SLIT2: variants seen among roughly 807,000 people sequenced by gnomAD.
SLIT2 encodes slit homolog 2 protein.
SLIT2 carries 41 observed loss-of-function variants against 185.7 expected under a neutral mutation model. The observed-to-expected ratio is 0.22, with a 90% CI of 0.17 to 0.29. The LOEUF (loss-of-function observed/expected upper bound fraction) is 0.29, where lower values mean the gene tolerates loss of function less well. Ranked by LOEUF, SLIT2 falls within the 10% of genes least tolerant of loss-of-function variation. The pLI, the probability that SLIT2 is intolerant of heterozygous loss-of-function variation, is 1.00. For synonymous variants in SLIT2, 693 were observed against 680.2 expected (o/e 1.02, Z -0.29); for missense variants, 1,571 against 1,909.0 (o/e 0.82, Z 3.30).
At chr4:20,472,291 TATAG>T (rs1290885052) in intron 5 of SLIT2, among the ~76,000 whole-genome samples, 10 of 29,172 alleles carry the variant, frequency 3.4e-4, no homozygotes, top group African/African-American at 1.8e-3. Context: ...TATATAGATA[TATAG>T]ATATATAGAT....
chr4:20,469,859 G>A (rs1471768267), intron 5 of SLIT2, among the ~76,000 whole-genome samples: 1 of 147,886 alleles, frequency 6.8e-6, no homozygotes, highest in Non-Finnish European at 1.5e-5. Flanking sequence ...GGGTTCAAGC[G>A]ATTCTTCTGC....
Position 20,572,602 on chromosome 4 carries a change from T to TA in SLIT2, c.3088+3598_3088+3599insA, listed in dbSNP as rs1577950052. 1.1e-4 allele frequency among the ~76,000 whole-genome samples: 17 copies of TA among 152,274 alleles called. No individual in the cohort carries two copies. The East Asian group carries it at 3.1e-3, about 28-fold the overall frequency. ...CTATAAATGTGGCACCCCTGTTTTTTTAAAAAATGGACACTTTTTTTAGGC... is the reference window on the plus strand; with the variant it reads ...CTATAAATGTGGCACCCCTGTTTTTTATAAAAAATGGACACTTTTTTTAGGC... On this transcript the variant is annotated intron_variant, in intron 29 of 36. Transcript: ENST00000504154.
At chr4:20,333,991 A>C (rs1720282367) in intron 4 of SLIT2, among the ~76,000 whole-genome samples, 3 of 152,214 alleles carry the variant, frequency 2.0e-5, no homozygotes, top group Admixed American at 2.0e-4. Flanking sequence ...GCTTTGAAGT[A>C]ATTGTTCAGC....
At chr4:20,306,634 TTTTTGTTTTG>T (rs932934751) in intron 4 of SLIT2, among the ~76,000 whole-genome samples, 1 of 152,200 alleles carries the variant, frequency 6.6e-6, no homozygotes, top group South Asian at 2.1e-4. Flanking sequence ...TCGTGTGCTT[TTTTTGTTTTG>T]TTTTGTTTTA....
chr4:20,305,417 T>C (rs1185766038), intron 4 of SLIT2, among the ~76,000 whole-genome samples: 4 of 152,254 alleles, frequency 2.6e-5, no homozygotes, highest in Non-Finnish European at 5.9e-5. Context: ...AGACATTCTT[T>C]CTATTAAATT....
intron 30 of SLIT2, among the ~76,000 whole-genome samples, chr4:20,590,168 G>A (rs889332762): frequency 3.3e-5 from 5 of 152,202 alleles, no homozygotes; most frequent in African/African-American, 9.6e-5. Flanking sequence ...GCCTCCCAAA[G>A]TGCTGGGATT....
At chr4:20,514,844 TATA>T (rs1297742986) in intron 11 of SLIT2, among the ~76,000 whole-genome samples, 1 of 151,854 alleles carries the variant, frequency 6.6e-6, no homozygotes, top group Non-Finnish European at 1.5e-5. Flanking sequence ...TGTTACATAG[TATA>T]ATATGCAATA....
chr4:20,341,952 C>T (rs953819940), intron 4 of SLIT2, among the ~76,000 whole-genome samples: 10 of 152,146 alleles, frequency 6.6e-5, no homozygotes, highest in Non-Finnish European at 1.3e-4. Flanking sequence ...ACATGGTTAA[C>T]TTCCTAGAGT....
chr4:20,358,357 T>C (rs940883139), intron 4 of SLIT2, among the ~76,000 whole-genome samples: 16 of 152,188 alleles, frequency 1.1e-4, no homozygotes, highest in Admixed American at 2.6e-4. Flanking sequence ...GTATCCACTG[T>C]ATTTTTAACG....
chr4:20,408,430 T>C (rs2109420128), intron 4 of SLIT2, among the ~76,000 whole-genome samples: 1 of 152,238 alleles, frequency 6.6e-6, no homozygotes, highest in South Asian at 2.1e-4. Flanking sequence ...ATTTTGATTT[T>C]TTGTTCTAGG....
At chr4:20,369,646 TGGGTCTCCTGCACAGA>T in intron 4 of SLIT2, among the ~76,000 whole-genome samples, 1 of 152,222 alleles carries the variant, frequency 6.6e-6, no homozygotes, top group South Asian at 2.1e-4. Flanking sequence ...CAGGAACCAC[TGGGTCTCCTGCACAGA>T]AACTCAGGGC....
chr4:20,362,662 C>G (rs1487090220), intron 4 of SLIT2, among the ~76,000 whole-genome samples: 1 of 151,510 alleles, frequency 6.6e-6, no homozygotes, highest in Non-Finnish European at 1.5e-5. Context: ...TTTTAGCTTG[C>G]ATAAATATGT....
rs1726295853 is a variant in SLIT2, at chr4:20,578,952, T to C, written c.3088+9948T>C. On this transcript the variant is annotated intron_variant, in intron 29 of 36. Transcript: ENST00000504154. The stretch of plus-strand genomic sequence containing the variant: ...GCAGGCTTTGAGGACTAAATAAGCC[T>C]AGATGAGACATCCCATTGCCCAGAT... Among the ~76,000 whole-genome samples the C allele has an allele frequency of 2.0e-5, 3 of 152,244 alleles. No individual in the cohort carries two copies. The South Asian group carries it at 6.2e-4, about 32-fold the overall frequency.
intron 4 of SLIT2, among the ~76,000 whole-genome samples, chr4:20,340,842 C>T (rs1015979745): frequency 6.6e-6 from 1 of 152,152 alleles, no homozygotes; most frequent in Non-Finnish European, 1.5e-5. Flanking sequence ...ACCTCGTGAT[C>T]GGCCTGCCTC....
At chr4:20,264,414 TACATGTAAATATG>T (rs1236083860) in intron 3 of SLIT2, among the ~76,000 whole-genome samples, 2 of 151,770 alleles carry the variant, frequency 1.3e-5, no homozygotes, top group Non-Finnish European at 2.9e-5. Flanking sequence ...ACCTTATATT[TACATGTAAATATG>T]ACATGTAAAT....
intron 29 of SLIT2, among the ~76,000 whole-genome samples, chr4:20,583,615 C>T (rs1407310364): frequency 2.0e-5 from 3 of 152,012 alleles, no homozygotes; most frequent in Admixed American, 1.3e-4. Flanking sequence ...ATGAGACCAT[C>T]CTGGCCAACA....
chr4:20,541,037 C>A (rs1262682960), intron 19 of SLIT2, among the ~76,000 whole-genome samples: 2 of 152,228 alleles, frequency 1.3e-5, no homozygotes, highest in African/African-American at 4.8e-5. Flanking sequence ...AGGTTAAACT[C>A]AATAATATAA....
chr4:20,304,759 A>G (rs1360511842), intron 4 of SLIT2, among the ~76,000 whole-genome samples: 3 of 152,082 alleles, frequency 2.0e-5, no homozygotes, highest in East Asian at 1.9e-4. Context: ...GTAACTTCCA[A>G]CCATCCCCTC....
At chr4:20,329,355 T>C (rs1376780340) in intron 4 of SLIT2, among the ~76,000 whole-genome samples, 1 of 151,978 alleles carries the variant, frequency 6.6e-6, no homozygotes, top group Non-Finnish European at 1.5e-5. Context: ...AGATGTATAA[T>C]TAAAATATAT....
Sources: gnomAD v4.1 joint callset for allele counts (sites outside exome capture counted in the v4.1 genomes callset) on GRCh38, gnomAD v4.1.1 for gene constraint, MANE v1.5 for transcripts, NCBI Gene and HGNC (gene_info 2026-07-23, HGNC 2026-07-21) for gene names.